LOC128092253: variants seen among roughly 807,000 people sequenced by gnomAD.
chr6:133,964,040 C>G, the LOC128092253 span, among the ~76,000 whole-genome samples: 1 of 151,696 alleles, frequency 6.6e-6, no homozygotes, highest in Non-Finnish European at 1.5e-5. Context: ...GACTGCGTCT[C>G]AAAAAAAAGA....
At chr6:133,960,549 A>C in the LOC128092253 span, among the ~76,000 whole-genome samples, 1 of 151,988 alleles carries the variant, frequency 6.6e-6, no homozygotes. Context: ...CTGTACATTT[A>C]GAATGCATGC....
At chr6:133,977,041 T>C in the LOC128092253 span, among the ~76,000 whole-genome samples, 2 of 152,144 alleles carry the variant, frequency 1.3e-5, no homozygotes, top group African/African-American at 2.4e-5. Context: ...ATTATCCTAT[T>C]GAAAAGGGAT....
the LOC128092253 span, among the ~76,000 whole-genome samples, chr6:133,962,162 G>A: frequency 6.6e-6 from 1 of 152,284 alleles, no homozygotes; most frequent in East Asian, 1.9e-4. Flanking sequence ...GGAAGATTAG[G>A]TTATATAAGG....
the LOC128092253 span, among the ~76,000 whole-genome samples, chr6:133,959,493 T>C: frequency 1.3e-5 from 2 of 152,158 alleles, no homozygotes; most frequent in African/African-American, 4.8e-5. Flanking sequence ...CTTTTTGTTT[T>C]GTTTTGGAGA....
the LOC128092253 span, among the ~76,000 whole-genome samples, chr6:133,954,804 C>G: frequency 6.6e-6 from 1 of 152,192 alleles, no homozygotes; most frequent in Non-Finnish European, 1.5e-5. Flanking sequence ...TACGTACCCT[C>G]TGCCCTCAAA....
At chr6:133,964,603 C>T in the LOC128092253 span, among the ~76,000 whole-genome samples, 5 of 151,730 alleles carry the variant, frequency 3.3e-5, no homozygotes, top group African/African-American at 1.2e-4. Flanking sequence ...GTGCCTGCCA[C>T]CACTCCAGGC....
At chr6:133,955,400 A>G in the LOC128092253 span, among the ~76,000 whole-genome samples, 1 of 151,808 alleles carries the variant, frequency 6.6e-6, no homozygotes, top group African/African-American at 2.4e-5. Context: ...CCAATCAAAA[A>G]TGATTTTTTA....
chr6:133,964,980 C>T, the LOC128092253 span, among the ~76,000 whole-genome samples: 2 of 152,144 alleles, frequency 1.3e-5, no homozygotes, highest in Non-Finnish European at 1.5e-5. Flanking sequence ...ATCAGTGCTT[C>T]AAGTTTGAGC....
At chr6:133,978,473 G>T in the LOC128092253 span, among the ~76,000 whole-genome samples, 1 of 152,262 alleles carries the variant, frequency 6.6e-6, no homozygotes, top group African/African-American at 2.4e-5. Flanking sequence ...AAGACCAATG[G>T]TAATAAACTG....
At chr6:133,968,212 C>A in the LOC128092253 span, among the ~76,000 whole-genome samples, 1 of 152,126 alleles carries the variant, frequency 6.6e-6, no homozygotes, top group East Asian at 1.9e-4. Context: ...TGATCTCGAT[C>A]TCTTGACCTC....
chr6:133,959,415 CTGTTT>C, the LOC128092253 span, among the ~76,000 whole-genome samples: 1 of 152,158 alleles, frequency 6.6e-6, no homozygotes, highest in African/African-American at 2.4e-5. Context: ...TAAAACTTGC[CTGTTT>C]TGAGACAAAG....
the LOC128092253 span, among the ~76,000 whole-genome samples, chr6:133,978,049 A>G: frequency 2.6e-5 from 4 of 152,170 alleles, no homozygotes; most frequent in African/African-American, 9.6e-5. Flanking sequence ...GGAGGCTGAC[A>G]TCTATAGTAT....
At chr6:133,963,790 G>A in the LOC128092253 span, among the ~76,000 whole-genome samples, 9 of 151,942 alleles carry the variant, frequency 5.9e-5, no homozygotes, top group Non-Finnish European at 8.8e-5. Context: ...CAGCACTTTG[G>A]GAGGCTGAGG....
chr6:133,958,759 C>T, the LOC128092253 span, among the ~76,000 whole-genome samples: 2 of 151,918 alleles, frequency 1.3e-5, no homozygotes, highest in Non-Finnish European at 1.5e-5. Context: ...AAAATATATA[C>T]TATAGAGGTT....
At chr6:133,964,036 G>A in the LOC128092253 span, among the ~76,000 whole-genome samples, 3 of 152,016 alleles carry the variant, frequency 2.0e-5, no homozygotes, top group Admixed American at 6.6e-5. Context: ...GCAAGACTGC[G>A]TCTCAAAAAA....
At chr6:133,974,772 T>G in the LOC128092253 span, among the ~76,000 whole-genome samples, 1 of 152,246 alleles carries the variant, frequency 6.6e-6, no homozygotes, top group Non-Finnish European at 1.5e-5. Context: ...ACTCACACTT[T>G]CAACATCGTT....
At chr6:133,967,342 C>T in the LOC128092253 span, among the ~76,000 whole-genome samples, 1 of 151,986 alleles carries the variant, frequency 6.6e-6, no homozygotes, top group Non-Finnish European at 1.5e-5. Context: ...ATTAAGCGGG[C>T]AAAAGGTTAA....
chr6:133,956,900 A>G, the LOC128092253 span, among the ~76,000 whole-genome samples: 3 of 152,358 alleles, frequency 2.0e-5, no homozygotes, highest in Middle Eastern at 3.4e-3. Context: ...GAGAGACTGT[A>G]TACGTATCTG....
chr6:133,954,498 C>T, the LOC128092253 span, among the ~76,000 whole-genome samples: 1 of 152,162 alleles, frequency 6.6e-6, no homozygotes, highest in Non-Finnish European at 1.5e-5. Flanking sequence ...GTTTGGTATG[C>T]CCAGTGAAAT....
Sources: allele counts gnomAD v4.1 joint callset (sites outside exome capture counted in the v4.1 genomes callset), GRCh38; gene constraint gnomAD v4.1.1; transcripts MANE v1.5.